The following CNOT6 variants were observed in gnomAD, a reference collection of about 807,000 sequenced individuals.
The protein encoded by CNOT6 is carbon catabolite repression 4 protein.
In CNOT6, 12 loss-of-function variants were observed where a neutral mutation model predicts 61.2. That is an observed-to-expected ratio of 0.20 (90% confidence interval 0.13 to 0.32). CNOT6 has a LOEUF of 0.32. Ranked by LOEUF, CNOT6 falls within the 10% of genes least tolerant of loss-of-function variation. The probability of loss-of-function intolerance (pLI) is 1.00; values close to 1 mark genes in which losing one functional copy is unlikely to be tolerated. For missense variants in CNOT6, 405 were observed against 663.9 expected (o/e 0.61, Z 4.28); for synonymous variants, 225 against 240.6 (o/e 0.94, Z 0.60).
intron 1 of CNOT6, among the ~76,000 whole-genome samples, chr5:180,505,461 G>C (rs1757090682): frequency 7.5e-6 from 1 of 133,396 alleles, no homozygotes. Context: ...GTTTCACTGT[G>C]TAGCCATCCT....
At chr5:180,529,515 A>G in intron 2 of CNOT6, 127 bp downstream of exon 2, 1 of 658,500 alleles carries the variant, frequency 1.5e-6, no homozygotes, top group South Asian at 1.9e-5. Flanking sequence ...TTTATAAATG[A>G]TTGTATTTTA....
At chr5:180,502,022 A>G (rs1756888955) in intron 1 of CNOT6, among the ~76,000 whole-genome samples, 1 of 152,098 alleles carries the variant, frequency 6.6e-6, no homozygotes, top group South Asian at 2.1e-4. Flanking sequence ...AAGGTTATAG[A>G]CTACTATTTG....
At chr5:180,508,945 C>T (rs941649751) in intron 1 of CNOT6, among the ~76,000 whole-genome samples, 37 of 151,724 alleles carry the variant, frequency 2.4e-4, no homozygotes, top group African/African-American at 7.8e-4. Context: ...GCCTCAGCCT[C>T]CCGAGTAGCT....
At chr5:180,554,427 A>G (rs1759775397) in intron 4 of CNOT6, among the ~76,000 whole-genome samples, 3 of 152,162 alleles carry the variant, frequency 2.0e-5, no homozygotes, top group Admixed American at 1.3e-4. Context: ...TAAAAAAAAA[A>G]AAAAAAGGAA....
intron 4 of CNOT6, 95 bp from the exon 5 acceptor site, chr5:180,564,394 A>G: frequency 1.2e-6 from 1 of 805,490 alleles, no homozygotes; most frequent in Non-Finnish European, 2.1e-6. Flanking sequence ...TAACTATAAC[A>G]TAGTTATGGA....
intron 2 of CNOT6, 99 bp from the exon 3 acceptor site, chr5:180,549,832 T>C: frequency 2.3e-6 from 2 of 880,544 alleles, no homozygotes; most frequent in Admixed American, 2.4e-5. Flanking sequence ...TGGATAATAA[T>C]TTAAGTTACT....
chr5:180,545,985 A>C (rs1052180717), intron 2 of CNOT6, among the ~76,000 whole-genome samples: 1 of 152,118 alleles, frequency 6.6e-6, no homozygotes, highest in Non-Finnish European at 1.5e-5. Context: ...AGTGTCTGTT[A>C]GATCTTTCAC....
chr5:180,535,525 A>C (rs1037252079), intron 2 of CNOT6, among the ~76,000 whole-genome samples: 1 of 152,192 alleles, frequency 6.6e-6, no homozygotes, highest in Non-Finnish European at 1.5e-5. Context: ...TTCTTGGTGT[A>C]TATATACACT....
At chr5:180,522,842 C>T (rs1362716635) in intron 1 of CNOT6, among the ~76,000 whole-genome samples, 1 of 152,144 alleles carries the variant, frequency 6.6e-6, no homozygotes, top group Non-Finnish European at 1.5e-5. Context: ...CTGTATACAA[C>T]TTCATCTGTC....
intron 3 of CNOT6, 89 bp from the exon 4 acceptor site, chr5:180,553,297 G>T (rs920358925): frequency 3.4e-5 from 27 of 796,566 alleles, no homozygotes; most frequent in Non-Finnish European, 4.8e-5. Context: ...TCATTCTTAG[G>T]TGCTTATGTT....
chr5:180,527,823 G>A (rs904438982), intron 1 of CNOT6, among the ~76,000 whole-genome samples: 3 of 152,178 alleles, frequency 2.0e-5, no homozygotes, highest in African/African-American at 7.2e-5. Context: ...TGAGCGGCAC[G>A]TGAGCAAGCA....
chr5:180,505,147 A>C (rs1291295226), intron 1 of CNOT6, among the ~76,000 whole-genome samples: 2 of 147,504 alleles, frequency 1.4e-5, no homozygotes, highest in Non-Finnish European at 3.0e-5. Flanking sequence ...TTTTTAGTAG[A>C]GACGGGGTTT....
At chr5:180,513,796 G>A (rs558151338) in intron 1 of CNOT6, among the ~76,000 whole-genome samples, 2 of 151,736 alleles carry the variant, frequency 1.3e-5, no homozygotes, top group African/African-American at 2.4e-5. Context: ...TCCGCCTCCT[G>A]GGTTCACGCC....
At chr5:180,504,403 G>A (rs77869851) in intron 1 of CNOT6, among the ~76,000 whole-genome samples, 5,179 of 152,268 alleles carry the variant, frequency 0.034, 130 homozygotes, top group Non-Finnish European at 0.05. Context: ...AAGTCATTGT[G>A]TATCTGAATT....
At chr5:180,524,890 G>T (rs1758027546) in intron 1 of CNOT6, among the ~76,000 whole-genome samples, 1 of 152,132 alleles carries the variant, frequency 6.6e-6, no homozygotes, top group African/African-American at 2.4e-5. Flanking sequence ...AGTGGAGTCT[G>T]GTCAGAACAG....
intron 1 of CNOT6, among the ~76,000 whole-genome samples, chr5:180,506,489 T>C (rs1757136142): frequency 6.6e-6 from 1 of 152,176 alleles, no homozygotes; most frequent in Admixed American, 6.5e-5. Flanking sequence ...AGGTAATGAG[T>C]GCTCACAGAA....
intron 2 of CNOT6, among the ~76,000 whole-genome samples, chr5:180,545,940 G>A (rs868227222): frequency 6.6e-6 from 1 of 152,134 alleles, no homozygotes; most frequent in South Asian, 2.1e-4. Flanking sequence ...CTTTTCATGT[G>A]ATTATTTGCC....
intron 2 of CNOT6, among the ~76,000 whole-genome samples, chr5:180,536,464 C>T (rs1050450219): frequency 3.3e-5 from 5 of 151,804 alleles, no homozygotes; most frequent in African/African-American, 9.7e-5. Flanking sequence ...TCCCATTTAT[C>T]TATTTGTTTT....
chr5:180,570,767 A>G (rs1581575494), intron 10 of CNOT6, among the ~76,000 whole-genome samples: 3 of 152,340 alleles, frequency 2.0e-5, no homozygotes, highest in East Asian at 3.9e-4. Context: ...TTGGCCTGTA[A>G]CTAGCTGGTG....
Sources: gnomAD v4.1 joint callset for allele counts (sites outside exome capture counted in the v4.1 genomes callset) on GRCh38, gnomAD v4.1.1 for gene constraint, MANE v1.5 for transcripts, NCBI Gene and HGNC (gene_info 2026-07-23, HGNC 2026-07-21) for gene names.